The following TXNRD1 variants were observed in gnomAD, a reference collection of about 807,000 sequenced individuals.
TXNRD1 encodes the protein thioredoxin reductase 1.
TXNRD1 carries 57 observed loss-of-function variants against 80.3 expected under a neutral mutation model. The ratio of observed to expected loss-of-function variants is 0.71; its 90% CI spans 0.57 to 0.89. TXNRD1 has a LOEUF of 0.89. Ranked by LOEUF, TXNRD1 falls within the 40% of genes least tolerant of loss-of-function variation. TXNRD1 has a pLI of 0.00. For missense variants in TXNRD1, 730 were observed against 803.0 expected (o/e 0.91, Z 1.10); for synonymous variants, 291 against 285.2 (o/e 1.02, Z -0.20).
intron 3 of TXNRD1, among the ~76,000 whole-genome samples, chr12:104,270,141 A>G (rs968335967): frequency 5.9e-5 from 9 of 152,158 alleles, no homozygotes; most frequent in African/African-American, 1.4e-4. Context: ...GTTAATGTTG[A>G]TATATTATTG....
At chr12:104,272,226 T>C (rs2033666284) in intron 3 of TXNRD1, among the ~76,000 whole-genome samples, 1 of 152,186 alleles carries the variant, frequency 6.6e-6, no homozygotes, top group South Asian at 2.1e-4. Flanking sequence ...AGGAAGGGGT[T>C]CTTATCCCTG....
intron 1 of TXNRD1, among the ~76,000 whole-genome samples, chr12:104,239,817 C>A (rs762422871): frequency 6.6e-6 from 1 of 152,154 alleles, no homozygotes; most frequent in Non-Finnish European, 1.5e-5. Context: ...GTAATCATGT[C>A]TTTCTAGGAA....
intron 7 of TXNRD1, among the ~76,000 whole-genome samples, chr12:104,316,983 T>C (rs2035353364): frequency 6.6e-6 from 1 of 152,184 alleles, no homozygotes; most frequent in South Asian, 2.1e-4. Context: ...CTCAAACTAG[T>C]TATGCTTCTC....
chr12:104,336,443 TCCCTGGGGC>T, intron 15 of TXNRD1, among the ~76,000 whole-genome samples: 1 of 152,344 alleles, frequency 6.6e-6, no homozygotes, highest in East Asian at 1.9e-4. Flanking sequence ...AACTTCACTA[TCCCTGGGGC>T]GTGCTTTATT....
At chr12:104,228,546 G>A (rs540457565) in intron 1 of TXNRD1, among the ~76,000 whole-genome samples, 44 of 152,034 alleles carry the variant, frequency 2.9e-4, no homozygotes, top group South Asian at 8.3e-4. Flanking sequence ...CAGGAGAATC[G>A]CTTGAACCCA....
intron 7 of TXNRD1, 91 bp downstream of exon 7, chr12:104,315,987 C>A: frequency 2.2e-6 from 3 of 1,387,452 alleles, no homozygotes; most frequent in Non-Finnish European, 2.0e-6. Flanking sequence ...ATGAAGATAG[C>A]AAATAGCCTA....
chr12:104,266,524 CAAA>C (rs60829935), intron 3 of TXNRD1, among the ~76,000 whole-genome samples: 65 of 111,484 alleles, frequency 5.8e-4, no homozygotes, highest in African/African-American at 2.0e-3. Context: ...GAATTCATCT[CAAA>C]AAAAAAAAAA....
rs756948232 is a variant in TXNRD1 at position 104,252,662 on chromosome 12, T to TCTA, written c.243+984_243+985insCTA. 3.4e-3 allele frequency among the ~76,000 whole-genome samples: 155 copies of TCTA among 45,750 alleles called. 4 individuals are homozygous for TCTA. The highest frequency in any genetic ancestry group is 0.013 in the African/African-American group (151 of 11,672). 30.0% of individuals were successfully genotyped at this position (45,750 alleles called of 152,430 possible). ...CACTGAGAGGTTAATTTATTATTTT[T>TCTA]TATATATATATATATATATATATAT... On this transcript the variant is annotated intron_variant, in intron 2 of 16. Transcript: ENST00000525566.
intron 1 of TXNRD1, among the ~76,000 whole-genome samples, chr12:104,241,675 T>C (rs958163575): frequency 1.3e-5 from 2 of 152,192 alleles, no homozygotes; most frequent in African/African-American, 4.8e-5. Context: ...GCCAGTCTGA[T>C]TTCTTTTTAA....
intron 4 of TXNRD1, chr12:104,291,114 C>A: frequency 1.6e-6 from 1 of 629,616 alleles, no homozygotes; most frequent in South Asian, 1.8e-5. Context: ...GGTATAGTGC[C>A]ATGAATGAAA....
intron 16 of TXNRD1, among the ~76,000 whole-genome samples, chr12:104,342,402 C>T (rs1201450046): frequency 1.3e-5 from 2 of 152,124 alleles, no homozygotes; most frequent in Non-Finnish European, 2.9e-5. Flanking sequence ...TTTAGAAGCT[C>T]CCTTGCCAGG....
chr12:104,297,595 C>T (rs534717666), intron 4 of TXNRD1, among the ~76,000 whole-genome samples: 1 of 152,174 alleles, frequency 6.6e-6, no homozygotes, highest in African/African-American at 2.4e-5. Flanking sequence ...GAACTCCTGA[C>T]CTCAGGTGAT....
In TXNRD1 at chr12:104,215,893, G is replaced by C; in HGVS notation, c.91G>C (p.Ala31Pro). 6.4e-7 allele frequency: 1 copy of C among 1,553,524 alleles called. No individual in the cohort carries two copies. Among genetic ancestry groups the C allele is most frequent in the Non-Finnish European group, 8.7e-7 (1 of 1,148,514 alleles). Reference sequence around the variant, plus strand: ...GAACGGCGATGGCCGCCGTAGGTCAGGTACGACCGAGGGCGAAGGCCTGGT... The same window carrying C: ...GAACGGCGATGGCCGCCGTAGGTCACGTACGACCGAGGGCGAAGGCCTGGT... ...GKNGDGRRRS[A>P]KDHHPGKTLP... Residue 31 changes from alanine to proline, a missense_variant and splice_region_variant, in exon 1 of 17, where the codon GCT becomes CCT. By Grantham distance (27) the Ala-to-Pro change is conservative. Transcript: ENST00000525566.
chr12:104,228,251 G>A (rs112094872), intron 1 of TXNRD1, among the ~76,000 whole-genome samples: 2,026 of 144,914 alleles, frequency 0.014, 35 homozygotes, highest in South Asian at 0.076. Flanking sequence ...GCAGTGAGCC[G>A]AGATTGTGCC....
rs182603585 is a variant in TXNRD1 at position 104,310,090 on chromosome 12, G to C, written c.415-1200G>C. 61 of 1,522,200 alleles carry C rather than the reference G, an allele frequency of 4.0e-5. No homozygotes were observed. In the African/African-American group the frequency reaches 5.6e-4, roughly 14 times the overall value. 94.3% of individuals were successfully genotyped at this position (1,522,200 alleles called of 1,614,324 possible). ...ATAGTAGGCAAGAGAGAAATGTGCAGTTTGGGCTGGTAAGTTTGGGGGCTT... is the reference window on the plus strand; with the variant it reads ...ATAGTAGGCAAGAGAGAAATGTGCACTTTGGGCTGGTAAGTTTGGGGGCTT... On this transcript the variant is annotated intron_variant, in intron 4 of 16. Coordinates refer to ENST00000525566, the MANE Select transcript of TXNRD1 (RefSeq NM_001093771.3).
At position 104,252,671 on chromosome 12, in the gene TXNRD1, T is replaced by TAC. The variant is rs1565863320; in HGVS notation, c.243+994_243+995insCA. On this transcript the variant is annotated intron_variant, in intron 2 of 16. Transcript: ENST00000525566. ...GTTAATTTATTATTTTTTATATATA[T>TAC]ATATATATATATATATATATTTTTT... Among the ~76,000 whole-genome samples the TAC allele has an allele frequency of 1.0e-3, 112 of 106,796 alleles. 1 individual carries two copies. The highest frequency in any genetic ancestry group is 4.5e-3 in the African/African-American group (111 of 24,552). The allele number at this position is 106,796 out of a possible 152,430, so 70.1% of individuals were successfully genotyped here. A position where few individuals can be genotyped will look rare whatever the true frequency, so the allele number is the denominator to read the frequency against.
intron 16 of TXNRD1, chr12:104,346,135 C>G (rs2036483142): frequency 1.0e-5 from 5 of 497,164 alleles, no homozygotes; most frequent in South Asian, 7.9e-5. Context: ...GCCTCAGTCT[C>G]CTGAGTAGCT....
At chr12:104,287,403 G>A in intron 3 of TXNRD1, 1 of 1,613,976 alleles carries the variant, frequency 6.2e-7, no homozygotes. Flanking sequence ...TCTTTGTAGA[G>A]ACAGTTTGCA....
intron 1 of TXNRD1, among the ~76,000 whole-genome samples, chr12:104,247,392 C>G (rs569218693): frequency 6.6e-6 from 1 of 152,248 alleles, no homozygotes; most frequent in Non-Finnish European, 1.5e-5. Context: ...CTGCATTTTT[C>G]TGACTGCCTG....
Sources: allele counts gnomAD v4.1 joint callset (sites outside exome capture counted in the v4.1 genomes callset), GRCh38; gene constraint gnomAD v4.1.1; transcripts MANE v1.5; gene names NCBI Gene and HGNC (gene_info 2026-07-23, HGNC 2026-07-21).